Variants in PTPRE observed in about 807,000 individuals in gnomAD.
PTPRE encodes the protein receptor-type tyrosine-protein phosphatase epsilon.
A neutral mutation model predicts 102.0 loss-of-function variants in PTPRE; 51 were observed. That is an observed-to-expected ratio of 0.50 (90% CI 0.40 to 0.63). The LOEUF (loss-of-function observed/expected upper bound fraction) is 0.63. PTPRE is among the 30% of genes least tolerant of loss of function. PTPRE has a pLI of 0.00. For synonymous variants in PTPRE, 345 were observed against 348.2 expected (o/e 0.99, Z 0.10); for missense variants, 752 against 915.1 (o/e 0.82, Z 2.30).
Position 128,071,621 on chromosome 10 carries a change from G to A in PTPRE, c.1388-517G>A, listed in dbSNP as rs556329058. ...TAGGGAGGGAGGTGGGAGATGCCCCGCTTGGGAGGAGGGTGTGCCTCGTTA... is the reference window on the plus strand; with the variant it reads ...TAGGGAGGGAGGTGGGAGATGCCCCACTTGGGAGGAGGGTGTGCCTCGTTA... On this transcript the variant is annotated intron_variant, in intron 15 of 20. Transcript: ENST00000254667. 1.1e-4 allele frequency: 17 copies of A among 155,392 alleles called. No individual in the cohort carries two copies. In the South Asian group the frequency reaches 2.5e-3, roughly 23 times the overall value. The allele number at this position is 155,392 out of a possible 1,614,324, so 9.6% of individuals were successfully genotyped here.
At chr10:127,958,763 A>G (rs571382913) in intron 1 of PTPRE, among the ~76,000 whole-genome samples, 5 of 152,068 alleles carry the variant, frequency 3.3e-5, no homozygotes, top group East Asian at 3.9e-4. Flanking sequence ...TAGAAAATTG[A>G]TTTAATTTAT....
rs1000203309 is a variant in PTPRE, at chr10:128,008,393, A to T, written c.-8+26097A>T. Among the ~76,000 whole-genome samples, 43 of 152,218 alleles carry T rather than the reference A, an allele frequency of 2.8e-4. No individual in the cohort carries two copies. Among genetic ancestry groups the T allele is most frequent in the Admixed American group, 1.3e-4 (2 of 15,282 alleles). On this transcript the variant is annotated intron_variant, in intron 2 of 20. Transcript: ENST00000254667. The surrounding 1 kb of genome is among the most constrained non-coding windows in gnomAD (Gnocchi z 4.0). ...GATGCCAAGCTCTCTCTGGACCTGA[A>T]AAAGCCTCCCATCAAGGAGAGAAAT...
chr10:127,940,295 T>C (rs74374273), intron 1 of PTPRE, among the ~76,000 whole-genome samples: 7,202 of 152,232 alleles, frequency 0.047, 260 homozygotes, highest in Middle Eastern at 0.078. Context: ...CCTCGTCTCC[T>C]TCATACAATA....
At chr10:128,057,129 A>C (rs1849045926) in intron 7 of PTPRE, among the ~76,000 whole-genome samples, 1 of 151,724 alleles carries the variant, frequency 6.6e-6, no homozygotes, top group Non-Finnish European at 1.5e-5. Flanking sequence ...AGGCAGGAGA[A>C]TCTCTTGAAC....
chr10:127,995,678 T>G (rs968336575), intron 2 of PTPRE, among the ~76,000 whole-genome samples: 4 of 152,224 alleles, frequency 2.6e-5, no homozygotes, highest in African/African-American at 9.6e-5. Flanking sequence ...TTCTTCTGGA[T>G]GGGATATCAA....
chr10:127,965,049 C>G (rs1485357473), intron 1 of PTPRE: 1 of 456,182 alleles, frequency 2.2e-6, no homozygotes, highest in Non-Finnish European at 4.4e-6. Context: ...TTCTCAGAAC[C>G]CTTTGAAGAT....
rs772736144 is a variant in PTPRE at position 128,082,817 on chromosome 10, TG to T, written c.2029-14del. The T allele has an allele frequency of 9.8e-5, 152 of 1,551,970 alleles. No individual in the cohort carries two copies. The highest frequency in any genetic ancestry group is 1.3e-4 in the Non-Finnish European group (147 of 1,161,094). On this transcript the variant is annotated splice_polypyrimidine_tract_variant and intron_variant, in intron 20 of 20. Coordinates refer to ENST00000254667, the MANE Select transcript of PTPRE (RefSeq NM_006504.6). ...TGGGAATATCATTTTAATGTGTCCT[TG>T]TTTGTCTTTTCAGGAACAGTATGAA...
chr10:128,083,092 G>A lies in PTPRE; in HGVS notation c.*186G>A, dbSNP rs1851859423. The A allele has an allele frequency of 4.6e-6, 2 of 435,394 alleles. No individual in the cohort carries two copies. Among genetic ancestry groups the A allele is most frequent in the Non-Finnish European group, 7.6e-6 (2 of 261,578 alleles). The allele number at this position is 435,394 out of a possible 1,614,324, so 27.0% of individuals were successfully genotyped here. On this transcript the variant is annotated 3_prime_UTR_variant, in exon 21 of 21. Transcript: ENST00000254667. Reference sequence around the variant, plus strand: ...TATGCTTTTTAAAAATTGGAATAATGTATTAAGGTCAAATAATATCCCATA... The same window carrying A: ...TATGCTTTTTAAAAATTGGAATAATATATTAAGGTCAAATAATATCCCATA...
chr10:127,954,011 T>C (rs1849226233), intron 1 of PTPRE, among the ~76,000 whole-genome samples: 1 of 152,222 alleles, frequency 6.6e-6, no homozygotes, highest in South Asian at 2.1e-4. Context: ...GATAGACTGC[T>C]CTGAGCTGGC....
intron 1 of PTPRE, among the ~76,000 whole-genome samples, chr10:127,981,838 A>G (rs1851649175): frequency 6.6e-6 from 1 of 151,986 alleles, no homozygotes; most frequent in South Asian, 2.1e-4. Flanking sequence ...AAAAAAATTA[A>G]TTAATTAATG....
At chr10:127,957,840 G>A (rs534799385) in intron 1 of PTPRE, among the ~76,000 whole-genome samples, 1 of 152,332 alleles carries the variant, frequency 6.6e-6, no homozygotes, top group African/African-American at 2.4e-5. Context: ...AACACGGAAT[G>A]TCTCTCCATT....
At chr10:127,976,881 T>C (rs909439097) in intron 1 of PTPRE, among the ~76,000 whole-genome samples, 1 of 152,222 alleles carries the variant, frequency 6.6e-6, no homozygotes, top group Non-Finnish European at 1.5e-5. Context: ...CAGAAACGTT[T>C]TGCTTTCTTC....
At chr10:127,950,819 G>C (rs191059370) in intron 1 of PTPRE, among the ~76,000 whole-genome samples, 2 of 152,110 alleles carry the variant, frequency 1.3e-5, no homozygotes, top group Non-Finnish European at 2.9e-5. Flanking sequence ...AAATAGGGTC[G>C]GGCAAAGTGG....
chr10:128,003,237 A>G (rs1854154743), intron 2 of PTPRE, among the ~76,000 whole-genome samples: 2 of 152,164 alleles, frequency 1.3e-5, no homozygotes, highest in Admixed American at 1.3e-4. Flanking sequence ...ACACGCCTGC[A>G]CGTGAGTGGG....
At position 127,982,489 on chromosome 10, in the gene PTPRE, CGTGTGTGTGTGTGTGT is replaced by C. The variant is rs59170572; in HGVS notation, c.-8+219_-8+234del. On this transcript the variant is annotated intron_variant, in intron 2 of 20. Transcript: ENST00000254667. The stretch of plus-strand genomic sequence containing the variant: ...TCACACCTTTTTGTTACATCATTTG[CGTGTGTGTGTGTGTGT>C]GTGTGTGTGTGTGTGTGTGTGTGTG... Among the ~76,000 whole-genome samples the C allele has an allele frequency of 7.2e-3, 1,022 of 142,718 alleles. 9 individuals carry two copies. The highest frequency in any genetic ancestry group is 0.023 in the African/African-American group (908 of 39,200). 93.6% of individuals were successfully genotyped at this position (142,718 alleles called of 152,430 possible). A position where few individuals can be genotyped will look rare whatever the true frequency, so the allele number is the denominator to read the frequency against.
chr10:127,982,144 C>G (rs1851681909), intron 1 of PTPRE, 130 bp from the exon 2 acceptor site: 2 of 420,958 alleles, frequency 4.8e-6, no homozygotes, highest in Non-Finnish European at 8.2e-6. Context: ...AAAGAGGTCT[C>G]CAGAAGACCC....
intron 9 of PTPRE, 188 bp from the exon 10 acceptor site, chr10:128,062,894 TG>T: frequency 1.1e-6 from 1 of 949,184 alleles, no homozygotes; most frequent in Non-Finnish European, 1.5e-6. Flanking sequence ...CTAGCTGGAG[TG>T]GGTGAGTGGC....
chr10:128,039,575 T>A (rs1311986737), intron 2 of PTPRE, among the ~76,000 whole-genome samples: 5 of 152,254 alleles, frequency 3.3e-5, no homozygotes, highest in Admixed American at 3.3e-4. Context: ...ATCTTAATAG[T>A]GGTGATTACT....
chr10:127,926,306 T>A (rs1388818787), intron 1 of PTPRE, among the ~76,000 whole-genome samples: 6 of 152,204 alleles, frequency 3.9e-5, no homozygotes, highest in African/African-American at 1.4e-4. Context: ...TTGTTGAAAA[T>A]TTTAAAGAGC....
Sources: gnomAD v4.1 joint callset for allele counts (sites outside exome capture counted in the v4.1 genomes callset) on GRCh38, gnomAD v4.1.1 for gene constraint, Gnocchi (gnomAD v3.1) non-coding constraint, MANE v1.5 for transcripts, NCBI Gene and HGNC (gene_info 2026-07-23, HGNC 2026-07-21) for gene names.